ADAMTSL1: variants seen among roughly 807,000 people sequenced by gnomAD.
ADAMTSL1 encodes the protein ADAMTS-like protein 1.
In ADAMTSL1, 126 loss-of-function variants were observed where a neutral mutation model predicts 201.8. The ratio of observed to expected loss-of-function variants is 0.62; its 90% CI spans 0.54 to 0.72. ADAMTSL1 has a LOEUF of 0.72. Ranked by LOEUF, ADAMTSL1 falls within the 30% of genes least tolerant of loss-of-function variation. The probability of loss-of-function intolerance (pLI) is 0.00; values close to 1 mark genes in which losing one functional copy is unlikely to be tolerated. For missense variants in ADAMTSL1, 2,679 were observed against 2,277.8 expected (o/e 1.18, Z -3.59); for synonymous variants, 1,121 against 903.4 (o/e 1.24, Z -4.32).
At chr9:18,146,273 A>G (rs1478647496) in intron 1 of ADAMTSL1, among the ~76,000 whole-genome samples, 2 of 152,200 alleles carry the variant, frequency 1.3e-5, no homozygotes, top group Non-Finnish European at 2.9e-5. Flanking sequence ...TTGAAAATTT[A>G]TGTCCACACA....
chr9:18,713,144 C>A (rs945694697), intron 14 of ADAMTSL1, among the ~76,000 whole-genome samples: 17 of 151,364 alleles, frequency 1.1e-4, no homozygotes, highest in Admixed American at 3.3e-4. Flanking sequence ...GCTGCAAAAT[C>A]ATGCCAAAAT....
At chr9:18,638,279 C>T (rs1389210696) in intron 6 of ADAMTSL1, among the ~76,000 whole-genome samples, 1 of 152,096 alleles carries the variant, frequency 6.6e-6, no homozygotes, top group Non-Finnish European at 1.5e-5. Context: ...AATACAAGTA[C>T]TTTAGGTACT....
At chr9:18,812,624 A>G (rs1297117775) in intron 20 of ADAMTSL1, among the ~76,000 whole-genome samples, 3 of 152,170 alleles carry the variant, frequency 2.0e-5, no homozygotes, top group Non-Finnish European at 2.9e-5. Context: ...GCCCAGACTA[A>G]TGTCATGAAG....
chr9:18,197,784 G>A (rs1171143684), intron 2 of ADAMTSL1, among the ~76,000 whole-genome samples: 1 of 152,060 alleles, frequency 6.6e-6, no homozygotes, highest in African/African-American at 2.4e-5. Context: ...TACCAAAAAA[G>A]AGCCCGCATC....
chr9:18,392,762 A>G (rs1274087161), intron 2 of ADAMTSL1, among the ~76,000 whole-genome samples: 1 of 152,232 alleles, frequency 6.6e-6, no homozygotes, highest in African/African-American at 2.4e-5. Context: ...CTAAATTCAT[A>G]CAAGAAAAAA....
At chr9:18,654,248 T>A (rs1388872318) in intron 7 of ADAMTSL1, among the ~76,000 whole-genome samples, 1 of 152,214 alleles carries the variant, frequency 6.6e-6, no homozygotes, top group African/African-American at 2.4e-5. Context: ...TGCTCTTGGA[T>A]AAACATTGTT....
chr9:18,516,417 T>C (rs1194086565), intron 2 of ADAMTSL1, among the ~76,000 whole-genome samples: 1 of 152,188 alleles, frequency 6.6e-6, no homozygotes, highest in Non-Finnish European at 1.5e-5. Flanking sequence ...AGCCCCTAAC[T>C]AATATACCAA....
At chr9:18,688,675 A>ATATATAT (rs1421552240) in intron 13 of ADAMTSL1, among the ~76,000 whole-genome samples, 3 of 30,650 alleles carry the variant, frequency 9.8e-5, no homozygotes, top group African/African-American at 2.9e-4. Flanking sequence ...AAAAAAAAAA[A>ATATATAT]AAAAAAAAAA....
chr9:18,667,087 C>G (rs1298722824), intron 9 of ADAMTSL1, among the ~76,000 whole-genome samples: 1 of 151,032 alleles, frequency 6.6e-6, no homozygotes, highest in African/African-American at 2.4e-5. Flanking sequence ...TATTAGCAAA[C>G]AAATCTGTTT....
intron 2 of ADAMTSL1, among the ~76,000 whole-genome samples, chr9:18,531,722 T>C (rs1411214511): frequency 6.6e-6 from 1 of 152,158 alleles, no homozygotes; most frequent in African/African-American, 2.4e-5. Context: ...AAAGACCAAG[T>C]CATATTCATT....
chr9:18,717,279 T>A (rs1024159315), intron 14 of ADAMTSL1, among the ~76,000 whole-genome samples: 5 of 149,540 alleles, frequency 3.3e-5, no homozygotes, highest in Middle Eastern at 3.5e-3. Context: ...AAATAAAAAT[T>A]TTAAAAAAAT....
intron 2 of ADAMTSL1, among the ~76,000 whole-genome samples, chr9:18,468,216 T>A (rs1587298057): frequency 6.6e-6 from 1 of 152,180 alleles, no homozygotes; most frequent in South Asian, 2.1e-4. Flanking sequence ...GTGCCATAAC[T>A]TCAGCAATGT....
chr9:18,239,355 G>T (rs1830970905), intron 2 of ADAMTSL1, among the ~76,000 whole-genome samples: 1 of 152,162 alleles, frequency 6.6e-6, no homozygotes, highest in African/African-American at 2.4e-5. Flanking sequence ...GCTGCTTTAT[G>T]AACTAAATTT....
chr9:18,173,116 A>G (rs1327720936), intron 2 of ADAMTSL1, among the ~76,000 whole-genome samples: 1 of 152,138 alleles, frequency 6.6e-6, no homozygotes, highest in African/African-American at 2.4e-5. Context: ...GGTTGCACAC[A>G]TATTTGCTTC....
At chr9:18,307,902 G>A (rs1056453446) in intron 2 of ADAMTSL1, among the ~76,000 whole-genome samples, 10 of 152,202 alleles carry the variant, frequency 6.6e-5, no homozygotes, top group African/African-American at 2.2e-4. Flanking sequence ...ATTCTTTTCA[G>A]CACCACATAA....
At chr9:18,466,408 G>A (rs1465847752) in intron 2 of ADAMTSL1, among the ~76,000 whole-genome samples, 2 of 151,898 alleles carry the variant, frequency 1.3e-5, no homozygotes, top group Non-Finnish European at 2.9e-5. Flanking sequence ...CTTCATGAAA[G>A]TCTTTTCAAA....
At chr9:18,116,532 T>A (rs1247348456) in intron 1 of ADAMTSL1, among the ~76,000 whole-genome samples, 1 of 152,156 alleles carries the variant, frequency 6.6e-6, no homozygotes, top group Non-Finnish European at 1.5e-5. Context: ...TCTCTCACTG[T>A]GTTATGAAAT....
chr9:18,391,474 C>G (rs1180351487), intron 2 of ADAMTSL1, among the ~76,000 whole-genome samples: 1 of 152,058 alleles, frequency 6.6e-6, no homozygotes, highest in Non-Finnish European at 1.5e-5. Context: ...GAGACAAGGT[C>G]TTGCTCTGTC....
At chr9:18,384,599 C>G (rs1024832397) in intron 2 of ADAMTSL1, among the ~76,000 whole-genome samples, 6 of 152,154 alleles carry the variant, frequency 3.9e-5, no homozygotes, top group African/African-American at 1.2e-4. Flanking sequence ...GGTACCTGCC[C>G]CACCGGGATG....
Sources: allele counts gnomAD v4.1 joint callset (sites outside exome capture counted in the v4.1 genomes callset), GRCh38; gene constraint gnomAD v4.1.1; transcripts MANE v1.5; gene names NCBI Gene and HGNC (gene_info 2026-07-23, HGNC 2026-07-21).